Variants in DCDC1 observed in about 807,000 individuals in gnomAD.
The protein encoded by DCDC1 is doublecortin domain containing 1, also known as doublecortin domain-containing protein 1.
A neutral mutation model predicts 178.3 loss-of-function variants in DCDC1; 200 were observed. The observed-to-expected ratio is 1.12, with a 90% CI of 1.00 to 1.26. The LOEUF (loss-of-function observed/expected upper bound fraction) is 1.26. Ranked by LOEUF, DCDC1 falls within the 50% of genes most tolerant of loss-of-function variation. DCDC1 has a pLI of 0.00. For missense variants in DCDC1, 1,983 were observed against 1,749.2 expected (o/e 1.13, Z -2.38); for synonymous variants, 690 against 604.8 (o/e 1.14, Z -2.07).
chr11:31,279,396 T>C (rs1022974406), intron 7 of DCDC1, among the ~76,000 whole-genome samples: 43 of 152,270 alleles, frequency 2.8e-4, no homozygotes, highest in Non-Finnish European at 5.0e-4. Flanking sequence ...TAGTTTGACT[T>C]AGATTGTAAA....
intron 22 of DCDC1, among the ~76,000 whole-genome samples, chr11:30,926,373 G>T (rs1457165581): frequency 2.0e-5 from 3 of 152,214 alleles, no homozygotes; most frequent in Non-Finnish European, 2.9e-5. Flanking sequence ...CCCATAAGCA[G>T]CAGAAAGCCA....
chr11:31,088,087 CT>C (rs1176557269), intron 17 of DCDC1, among the ~76,000 whole-genome samples: 1 of 152,014 alleles, frequency 6.6e-6, no homozygotes, highest in Non-Finnish European at 1.5e-5. Flanking sequence ...TAGTAATATT[CT>C]TTTTACTGAC....
chr11:31,077,203 C>A (rs1272597440), intron 18 of DCDC1, among the ~76,000 whole-genome samples: 1 of 152,092 alleles, frequency 6.6e-6, no homozygotes, highest in African/African-American at 2.4e-5. Context: ...CTGTTGAAGT[C>A]TTAGAAATGA....
chr11:31,269,388 T>A (rs190323534), intron 7 of DCDC1, among the ~76,000 whole-genome samples: 9 of 152,022 alleles, frequency 5.9e-5, no homozygotes, highest in Admixed American at 5.9e-4. Flanking sequence ...TAATTCCTTT[T>A]TTTTTTCTTT....
chr11:31,303,572 T>C (rs1252860945), intron 6 of DCDC1, among the ~76,000 whole-genome samples: 3 of 152,160 alleles, frequency 2.0e-5, no homozygotes, highest in Non-Finnish European at 4.4e-5. Flanking sequence ...TATGTGAATA[T>C]GTGAGTGATA....
At chr11:30,894,131 A>C in intron 35 of DCDC1, 117 bp downstream of exon 35, 3 of 1,387,378 alleles carry the variant, frequency 2.2e-6, no homozygotes, top group Non-Finnish European at 2.9e-6. Context: ...TTATATGGTC[A>C]TAACTGATCA....
At chr11:31,174,024 C>G (rs544504103) in intron 9 of DCDC1, among the ~76,000 whole-genome samples, 2 of 152,268 alleles carry the variant, frequency 1.3e-5, no homozygotes, top group Admixed American at 1.3e-4. Flanking sequence ...CTACACCCTT[C>G]TGAGTTTTCA....
Position 30,925,418 on chromosome 11 carries a change from A to C in DCDC1, c.2898-10T>G, listed in dbSNP as rs1311889585. Reference sequence around the variant, plus strand: ...TAAAATCTCAGTGCACCTGTAATAAAAGACACAAAAATTGACCTTGCATAC... The same window carrying C: ...TAAAATCTCAGTGCACCTGTAATAACAGACACAAAAATTGACCTTGCATAC... On this transcript the variant is annotated splice_polypyrimidine_tract_variant and intron_variant, in intron 22 of 38. Transcript: ENST00000684477. 1 of 1,612,294 alleles carries C rather than the reference A, an allele frequency of 6.2e-7. No individual in the cohort carries two copies. The highest frequency in any genetic ancestry group is 1.1e-5 in the South Asian group (1 of 90,856).
chr11:30,982,413 A>G (rs763556751), intron 20 of DCDC1, among the ~76,000 whole-genome samples: 1 of 152,182 alleles, frequency 6.6e-6, no homozygotes, highest in Non-Finnish European at 1.5e-5. Flanking sequence ...CATACAACTC[A>G]GACTGATTTG....
intron 9 of DCDC1, among the ~76,000 whole-genome samples, chr11:31,173,609 A>G (rs1397402049): frequency 6.6e-6 from 1 of 152,168 alleles, no homozygotes; most frequent in African/African-American, 2.4e-5. Flanking sequence ...AATTTAGGTT[A>G]TAGGAAACAG....
At chr11:31,290,282 G>A (rs1266121646) in intron 7 of DCDC1, among the ~76,000 whole-genome samples, 2 of 151,952 alleles carry the variant, frequency 1.3e-5, no homozygotes, top group African/African-American at 4.8e-5. Context: ...AATGAAAAGA[G>A]GCAGATTTGA....
intron 20 of DCDC1, among the ~76,000 whole-genome samples, chr11:31,009,807 A>T (rs1952066306): frequency 6.6e-6 from 1 of 152,084 alleles, no homozygotes; most frequent in African/African-American, 2.4e-5. Flanking sequence ...GGTTTAATTG[A>T]CTCACAGTTC....
intron 20 of DCDC1, among the ~76,000 whole-genome samples, chr11:30,962,370 G>A (rs187052616): frequency 6.6e-6 from 1 of 151,928 alleles, no homozygotes; most frequent in African/African-American, 2.4e-5. Context: ...ATTTAAAACA[G>A]GAACTGGACT....
chr11:31,225,384 G>A (rs757311122), intron 9 of DCDC1, among the ~76,000 whole-genome samples: 12 of 146,990 alleles, frequency 8.2e-5, no homozygotes, highest in Non-Finnish European at 1.5e-4. Context: ...AGTTGGGGGG[G>A]AGTGAAGGTT....
chr11:31,325,310 T>C (rs1294514168), intron 3 of DCDC1, among the ~76,000 whole-genome samples: 2 of 152,244 alleles, frequency 1.3e-5, no homozygotes, highest in East Asian at 3.9e-4. Context: ...TCTGGGTCAC[T>C]TGGGAATGCA....
At chr11:31,117,457 G>A (rs1960134636) in intron 11 of DCDC1, among the ~76,000 whole-genome samples, 1 of 151,808 alleles carries the variant, frequency 6.6e-6, no homozygotes, top group African/African-American at 2.4e-5. Flanking sequence ...AGCAAGTTTT[G>A]AGCAAAGGGT....
chr11:30,887,204 C>T (rs1006018954), intron 36 of DCDC1, among the ~76,000 whole-genome samples: 1 of 152,104 alleles, frequency 6.6e-6, no homozygotes, highest in African/African-American at 2.4e-5. Context: ...GGCTGAAGAA[C>T]GACTTGTATT....
intron 20 of DCDC1, among the ~76,000 whole-genome samples, chr11:31,008,668 A>G (rs1038576887): frequency 6.6e-6 from 1 of 152,184 alleles, no homozygotes; most frequent in Non-Finnish European, 1.5e-5. Context: ...CAAACTACCT[A>G]TTTTACAAAG....
At chr11:31,032,898 A>G (rs552885870) in intron 20 of DCDC1, among the ~76,000 whole-genome samples, 1 of 152,066 alleles carries the variant, frequency 6.6e-6, no homozygotes, top group South Asian at 2.1e-4. Flanking sequence ...AACATAATCA[A>G]CTCCTGCAAT....
Sources: gnomAD v4.1 joint callset for allele counts (sites outside exome capture counted in the v4.1 genomes callset) on GRCh38, gnomAD v4.1.1 for gene constraint, MANE v1.5 for transcripts, NCBI Gene and HGNC (gene_info 2026-07-23, HGNC 2026-07-21) for gene names.